The following KCNN3 variants were observed in gnomAD, a reference collection of about 807,000 sequenced individuals.
KCNN3 encodes small conductance calcium-activated potassium channel protein 3.
Under a neutral mutation model 62.9 loss-of-function variants are expected in KCNN3, and 16 were observed. That is an observed-to-expected ratio of 0.25 (90% CI 0.17 to 0.39). The LOEUF (loss-of-function observed/expected upper bound fraction) is 0.39, where lower values mean the gene tolerates loss of function less well. Among genes scored for constraint, KCNN3 ranks in the 10% least tolerant of loss-of-function variants. The probability of loss-of-function intolerance (pLI) is 1.00; values close to 1 mark genes in which losing one functional copy is unlikely to be tolerated. For synonymous variants in KCNN3, 370 were observed against 389.2 expected, an observed-to-expected ratio of 0.95 and a Z score of 0.58; for missense variants, 599 against 949.4, an observed-to-expected ratio of 0.63 and a Z score of 4.85.
Position 154,827,989 on chromosome 1 carries a change from C to T in KCNN3, c.934-5805G>A, listed in dbSNP as rs578236083. Among the ~76,000 whole-genome samples the T allele has an allele frequency of 2.0e-5, 3 of 152,198 alleles. No individual in the cohort carries two copies. The South Asian group carries it at 6.2e-4, about 32-fold the overall frequency. On this transcript the variant is annotated intron_variant, in intron 1 of 7. Coordinates refer to ENST00000271915, the MANE Select transcript of KCNN3 (RefSeq NM_002249.6). ...CCCTCTCTCTCCCAGGACTGTCCAA[C>T]CTGAGACCGGGAGAGACAGCCGATG... is the stretch of plus-strand genomic sequence containing the variant.
rs756586810 is a variant in KCNN3, at chr1:154,869,339, T to G, written c.626A>C (p.Gln209Pro). The change falls in exon 1 of 8, where the codon CAG (glutamine) becomes CCG (proline). Residue 209 changes from glutamine (Q) to proline (P), a missense_variant. Gln to Pro is a moderately conservative substitution (Grantham distance 76). Around this residue, in one of 7 missense-constraint regions of KCNN3, gnomAD observed 80 missense variants for 85.4 expected, o/e 0.94. Transcript: ENST00000271915. The surrounding 1 kb of genome is among the most constrained non-coding windows in gnomAD (Gnocchi z 6.1). ...CGGGGGGTTGCTAGGGCTGAAAAGC[T>G]GGAGGGGTTGGCCCTCAGTCTCGGC... ...IEAETEGQPLQLFSPSNPPEI... is the reference protein window; with the variant it reads ...IEAETEGQPLPLFSPSNPPEI... 3 of 1,613,694 alleles carry G rather than the reference T, an allele frequency of 1.9e-6. No individual in the cohort carries two copies. The highest frequency in any genetic ancestry group is 2.5e-6 in the Non-Finnish European group (3 of 1,179,802).
rs146684021 is a variant in KCNN3 at position 154,772,133 on chromosome 1, G to A, written c.1290C>T (p.Thr430=). The change falls in exon 3 of 8, where the codon ACC becomes ACT. Residue 430 remains threonine (T), a synonymous_variant. Coordinates refer to ENST00000271915, the MANE Select transcript of KCNN3 (RefSeq NM_002249.6). This position sits in a 1 kb window ranked among gnomAD's most constrained non-coding sequence, Gnocchi z 5.6. ...RVMLLHSKLF[T]DASSRSIGAL... is the part of the protein sequence containing the mutation. ...CCCCGATGCTGCGGGACGAGGCATC[G>A]GTGAAGAGCTTGCTGTGCAGCAGCA... 28 of 1,614,226 alleles carry A rather than the reference G, an allele frequency of 1.7e-5. No individual in the cohort carries two copies. In the African/African-American group the frequency reaches 2.7e-4, roughly 15 times the overall value.
intron 3 of KCNN3, among the ~76,000 whole-genome samples, chr1:154,753,033 C>T (rs1398777006): frequency 1.3e-5 from 2 of 152,190 alleles, no homozygotes; most frequent in Non-Finnish European, 2.9e-5. Context: ...CCTCCAGACA[C>T]ATTTACTCTC....
chr1:154,869,931 C>G lies in KCNN3; in HGVS notation c.34G>C (p.Val12Leu), dbSNP rs1005929642. 1.9e-6 allele frequency: 3 copies of G among 1,610,998 alleles called. No individual in the cohort carries two copies. The highest frequency in any genetic ancestry group is 2.5e-6 in the Non-Finnish European group (3 of 1,178,748). The change falls in exon 1 of 8, where the codon GTG (valine) becomes CTG (leucine). Residue 12 changes from valine (V) to leucine (L), a missense_variant. Physicochemically the swap from Val to Leu is conservative, Grantham distance 32. Around this residue, in one of 7 missense-constraint regions of KCNN3, gnomAD observed 59 missense variants for 62.4 expected, o/e 0.95. Transcript: ENST00000271915. This position sits in a 1 kb window ranked among gnomAD's most constrained non-coding sequence, Gnocchi z 6.1. ...DTSGHFHDSG[V>L]GDLDEDPKCP... ...TTGGGGTCTTCATCCAAGTCCCCCA[C>G]CCCCGAGTCATGGAAGTGCCCAGAA...
At chr1:154,798,052 A>G (rs749363249) in intron 2 of KCNN3, among the ~76,000 whole-genome samples, 18 of 152,172 alleles carry the variant, frequency 1.2e-4, no homozygotes, top group Non-Finnish European at 2.6e-4. Context: ...TGTAACTTTC[A>G]GCTCCATGAC....
In KCNN3 at chr1:154,701,662, T is replaced by G. The variant is rs1699855218; in HGVS notation, c.*6314A>C. ...TTGCTGGCTCTGGCTGTTCATGTCC[T>G]GCCGGCTCCTCCCATCACTCCCTTA... On this transcript the variant is annotated 3_prime_UTR_variant, in exon 8 of 8. Transcript: ENST00000271915. 6.6e-6 allele frequency: 1 copy of G among 152,248 alleles called. No individual in the cohort carries two copies. Among genetic ancestry groups the G allele is most frequent in the South Asian group, 2.1e-4 (1 of 4,832 alleles). 9.4% of individuals were successfully genotyped at this position (152,248 alleles called of 1,614,324 possible).
At chr1:154,826,372 A>C (rs1041211553) in intron 1 of KCNN3, among the ~76,000 whole-genome samples, 4 of 152,234 alleles carry the variant, frequency 2.6e-5, no homozygotes, top group African/African-American at 9.6e-5. Flanking sequence ...AAGCACATCT[A>C]TAGGGGCCTA....
chr1:154,824,912 G>C (rs184863578), intron 1 of KCNN3, among the ~76,000 whole-genome samples: 1 of 152,302 alleles, frequency 6.6e-6, no homozygotes, highest in East Asian at 1.9e-4. Context: ...GGATGACCAA[G>C]CTGTGTGCTG....
intron 4 of KCNN3, among the ~76,000 whole-genome samples, chr1:154,732,728 C>G (rs1444309262): frequency 6.6e-6 from 1 of 152,202 alleles, no homozygotes; most frequent in Non-Finnish European, 1.5e-5. Flanking sequence ...GGGCCAGGAC[C>G]AGCTTCACCC....
At chr1:154,822,908 T>C (rs1454145274) in intron 1 of KCNN3, among the ~76,000 whole-genome samples, 2 of 152,106 alleles carry the variant, frequency 1.3e-5, no homozygotes, top group Non-Finnish European at 2.9e-5. Flanking sequence ...AGAAGTGTGG[T>C]TAAGGGCATG....
Position 154,699,411 on chromosome 1 carries a change from A to C in KCNN3, c.*8565T>G, listed in dbSNP as rs1470086817. ...TGAATGTGCGGGTATATGTGTGTGC[A>C]CCTATGTATGTATAAATCTGTAAAT... On this transcript the variant is annotated 3_prime_UTR_variant, in exon 8 of 8. Coordinates refer to ENST00000271915, the MANE Select transcript of KCNN3 (RefSeq NM_002249.6). 1 of 152,120 alleles carries C rather than the reference A, an allele frequency of 6.6e-6. No homozygotes were observed. The highest frequency in any genetic ancestry group is 1.5e-5 in the Non-Finnish European group (1 of 68,020). The allele number at this position is 152,120 out of a possible 1,614,324, so 9.4% of individuals were successfully genotyped here.
Position 154,772,526 on chromosome 1 carries a change from AG to A in KCNN3, c.1030-134del. The stretch of plus-strand genomic sequence containing the variant: ...GCCTGACCACCTCAGCATGCTCTTT[AG>A]GGGCCTTGCTATGTGGCAAGAGCCC... On this transcript the variant is annotated intron_variant, in intron 2 of 7. Transcript: ENST00000271915. The surrounding 1 kb of genome is among the most constrained non-coding windows in gnomAD (Gnocchi z 5.6). The A allele has an allele frequency of 1.2e-6, 1 of 817,118 alleles. No homozygotes were observed. The highest frequency in any genetic ancestry group is 2.1e-6 in the Non-Finnish European group (1 of 486,144). The allele number at this position is 817,118 out of a possible 1,614,324, so 50.6% of individuals were successfully genotyped here.
intron 1 of KCNN3, among the ~76,000 whole-genome samples, chr1:154,847,626 C>G (rs1652131841): frequency 6.6e-6 from 1 of 152,142 alleles, no homozygotes; most frequent in Non-Finnish European, 1.5e-5. Flanking sequence ...AGGATTTTCC[C>G]CAGCCCCTCA....
chr1:154,859,795 G>C, intron 1 of KCNN3: 1 of 1,613,816 alleles, frequency 6.2e-7, no homozygotes, highest in South Asian at 1.1e-5. Context: ...CTAAGGAGTA[G>C]GTGCCAGCTC....
At chr1:154,828,696 A>G (rs1489779281) in intron 1 of KCNN3, among the ~76,000 whole-genome samples, 2 of 152,202 alleles carry the variant, frequency 1.3e-5, no homozygotes, top group Non-Finnish European at 2.9e-5. Context: ...GATCATGCAT[A>G]CGAAAAATCT....
chr1:154,770,446 T>A (rs370976257), intron 3 of KCNN3, among the ~76,000 whole-genome samples: 2 of 152,328 alleles, frequency 1.3e-5, no homozygotes, highest in Non-Finnish European at 1.5e-5. Flanking sequence ...TCTCCAGACT[T>A]CTTTGTCTTG....
intron 3 of KCNN3, among the ~76,000 whole-genome samples, chr1:154,751,411 T>A (rs1030284718): frequency 6.6e-6 from 1 of 152,168 alleles, no homozygotes; most frequent in African/African-American, 2.4e-5. Context: ...TGGCATCCCG[T>A]GCAGACAAGA....
At chr1:154,747,905 C>A (rs577863950) in intron 3 of KCNN3, among the ~76,000 whole-genome samples, 6 of 152,330 alleles carry the variant, frequency 3.9e-5, no homozygotes, top group African/African-American at 1.2e-4. Context: ...GGCCCCTCTG[C>A]CCGGAGGCCC....
intron 3 of KCNN3, among the ~76,000 whole-genome samples, chr1:154,743,842 C>T (rs550582320): frequency 1.4e-4 from 22 of 152,270 alleles, no homozygotes; most frequent in South Asian, 4.1e-4. Flanking sequence ...AGGTTAGGTA[C>T]GTTCAGTGCA....
Sources: gnomAD v4.1 joint callset for allele counts (sites outside exome capture counted in the v4.1 genomes callset) on GRCh38, gnomAD v4.1.1 for gene constraint, gnomAD v4.1.1 regional missense constraint, Gnocchi (gnomAD v3.1) non-coding constraint, MANE v1.5 for transcripts, NCBI Gene and HGNC (gene_info 2026-07-23, HGNC 2026-07-21) for gene names.